Variants in SMARCC1 observed in about 807,000 individuals in gnomAD.
SMARCC1 encodes the protein SWI/SNF related BAF chromatin remodeling complex subunit C1, also known as SWI/SNF complex subunit SMARCC1.
Under a neutral mutation model 147.4 loss-of-function variants are expected in SMARCC1, and 43 were observed. The ratio of observed to expected loss-of-function variants is 0.29; its 90% confidence interval spans 0.23 to 0.38. SMARCC1 has a LOEUF of 0.38. Ranked by LOEUF, SMARCC1 falls within the 10% of genes least tolerant of loss-of-function variation. The pLI, the probability that SMARCC1 is intolerant of heterozygous loss-of-function variation, is 1.00. For synonymous variants in SMARCC1, 495 were observed against 484.4 expected, an observed-to-expected ratio of 1.02 and a Z score of -0.29; for missense variants, 1,119 against 1,381.1, an observed-to-expected ratio of 0.81 and a Z score of 3.01.
Position 47,635,294 on chromosome 3 carries a change from T to C in SMARCC1, c.2542A>G (p.Arg848Gly). Reference sequence around the variant, plus strand: ...TTCTTCTTCCCAGTATCACTTTCTCTTTCTTTACATGTATCAGTGAGTTCT... The same window carrying C: ...TTCTTCTTCCCAGTATCACTTTCTCCTTCTTTACATGTATCAGTGAGTTCT... ...NKELTDTCKE[R>G]ESDTGKKKVE... is the part of the protein sequence containing the mutation. The change falls in exon 24 of 28, where the codon AGA becomes GGA. Residue 848 changes from arginine (R) to glycine (G), a missense_variant. This residue lies in a region of SMARCC1 where 157 missense variants were observed against 158.6 expected (regional missense o/e 0.99). Transcript: ENST00000254480. The C allele has an allele frequency of 2.5e-6, 4 of 1,612,944 alleles. No homozygotes were observed. The highest frequency in any genetic ancestry group is 3.4e-6 in the Non-Finnish European group (4 of 1,179,342).
intron 2 of SMARCC1, among the ~76,000 whole-genome samples, chr3:47,748,924 C>T (rs2034596947): frequency 1.3e-5 from 2 of 152,076 alleles, no homozygotes; most frequent in Admixed American, 6.6e-5. Flanking sequence ...AATCCCAAAC[C>T]TTTGGGAGGC....
rs1223333943 is a variant in SMARCC1 at position 47,662,347 on chromosome 3, T to G, written c.2145A>C (p.Ala715=). ...GGAAGTCCATACCCAAAGCCGCTTT[T>G]GCTGCAGCAGATGCCACGCGAGGGT... The part of the protein sequence containing the change: ...VVDPRVASAA[A]KAALEEFSRV... The change falls in exon 20 of 28, where the codon GCA becomes GCC. Residue 715 remains alanine (A), a synonymous_variant. Coordinates refer to ENST00000254480, the MANE Select transcript of SMARCC1 (RefSeq NM_003074.4). 1 of 1,614,128 alleles carries G rather than the reference T, an allele frequency of 6.2e-7. No homozygotes were observed. The highest frequency in any genetic ancestry group is 8.5e-7 in the Non-Finnish European group (1 of 1,180,006).
chr3:47,611,443 G>A (rs1184785481), intron 25 of SMARCC1, among the ~76,000 whole-genome samples: 1 of 152,112 alleles, frequency 6.6e-6, no homozygotes, highest in Admixed American at 6.5e-5. Context: ...ATTACATATA[G>A]AAACAATGTA....
At chr3:47,626,224 G>T (rs2032807150) in intron 24 of SMARCC1, among the ~76,000 whole-genome samples, 1 of 151,670 alleles carries the variant, frequency 6.6e-6, no homozygotes, top group Non-Finnish European at 1.5e-5. Context: ...TCGGCTCACT[G>T]TAACCTCCGC....
chr3:47,758,591 C>T (rs566489021), intron 2 of SMARCC1, among the ~76,000 whole-genome samples: 29 of 152,256 alleles, frequency 1.9e-4, no homozygotes, highest in Non-Finnish European at 3.1e-4. Flanking sequence ...ACTGCATATA[C>T]ATACACTCAT....
rs201613115 is a variant in SMARCC1, at chr3:47,650,295, A to T, written c.2320+10999T>A. On this transcript the variant is annotated intron_variant, in intron 21 of 27. Coordinates refer to ENST00000254480, the MANE Select transcript of SMARCC1 (RefSeq NM_003074.4). ...TGTTTAAAATAATAATAATAATAATAATAATTATTATTATTATTATTATTC... is the reference window on the plus strand; with the variant it reads ...TGTTTAAAATAATAATAATAATAATTATAATTATTATTATTATTATTATTC... Among the ~76,000 whole-genome samples, 1,285 of 134,484 alleles carry T rather than the reference A, an allele frequency of 9.6e-3. 8 individuals carry two copies. Among genetic ancestry groups the T allele is most frequent in the African/African-American group, 0.02 (778 of 38,796 alleles). The allele number at this position is 134,484 out of a possible 152,430, so 88.2% of individuals were successfully genotyped here.
intron 13 of SMARCC1, among the ~76,000 whole-genome samples, chr3:47,686,397 C>A (rs2033723919): frequency 6.6e-6 from 1 of 152,110 alleles, no homozygotes; most frequent in African/African-American, 2.4e-5. Context: ...GGAATCAATG[C>A]AGAGAAGGTA....
chr3:47,637,619 G>A (rs1002644510), intron 22 of SMARCC1, among the ~76,000 whole-genome samples: 4 of 152,092 alleles, frequency 2.6e-5, no homozygotes, highest in African/African-American at 4.8e-5. Flanking sequence ...GGCTGAGGCA[G>A]GAGAATTGCT....
chr3:47,733,973 G>A (rs1472018537), intron 5 of SMARCC1, among the ~76,000 whole-genome samples: 1 of 150,368 alleles, frequency 6.7e-6, no homozygotes, highest in Non-Finnish European at 1.5e-5. Context: ...ATATGTACGT[G>A]TGTGTATATA....
At chr3:47,645,725 G>C (rs1425627214) in intron 21 of SMARCC1, among the ~76,000 whole-genome samples, 1 of 152,210 alleles carries the variant, frequency 6.6e-6, no homozygotes, top group Non-Finnish European at 1.5e-5. Flanking sequence ...GTCTCGCAAA[G>C]ATATCTGCTT....
intron 24 of SMARCC1, among the ~76,000 whole-genome samples, chr3:47,631,369 T>C (rs551761227): frequency 3.4e-4 from 52 of 152,172 alleles, no homozygotes; most frequent in Non-Finnish European, 6.0e-4. Flanking sequence ...TTTAAGAAAA[T>C]GTGATCTCTG....
chr3:47,745,026 G>A (rs2034550499), intron 3 of SMARCC1, among the ~76,000 whole-genome samples: 1 of 152,140 alleles, frequency 6.6e-6, no homozygotes, highest in Non-Finnish European at 1.5e-5. Flanking sequence ...CTAGCACCTT[G>A]GAAGGTCAAG....
Position 47,674,257 on chromosome 3 carries a change from G to A in SMARCC1, c.1839+1218C>T, listed in dbSNP as rs1460773554. On this transcript the variant is annotated intron_variant, in intron 18 of 27. Transcript: ENST00000254480. ...TTTTCTCTGCTCCTTATTCCTTCAT[G>A]GAGTCATGTGCTTTCATCTGGGATC... is the stretch of plus-strand genomic sequence containing the variant. Among the ~76,000 whole-genome samples, 5 of 152,122 alleles carry A rather than the reference G, an allele frequency of 3.3e-5. No homozygotes were observed. The East Asian group carries it at 9.6e-4, about 29-fold the overall frequency.
intron 4 of SMARCC1, 64 bp downstream of exon 4, chr3:47,737,965 C>T (rs375701526): frequency 8.1e-6 from 10 of 1,241,240 alleles, no homozygotes; most frequent in Non-Finnish European, 1.0e-5. Context: ...GCCTGGCCAG[C>T]CAATCTTAAA....
chr3:47,697,503 T>TGTTGGCCAGGCTA (rs1432342864), intron 11 of SMARCC1, among the ~76,000 whole-genome samples: 1 of 151,300 alleles, frequency 6.6e-6, no homozygotes, highest in Non-Finnish European at 1.5e-5. Flanking sequence ...GGTTTCAACT[T>TGTTGGCCAGGCTA]GTTGGCCAGG....
chr3:47,739,141 T>C (rs1449703724), intron 3 of SMARCC1, among the ~76,000 whole-genome samples: 1 of 152,234 alleles, frequency 6.6e-6, no homozygotes, highest in African/African-American at 2.4e-5. Context: ...TAGAGCTTAG[T>C]GACTGAAAGT....
intron 5 of SMARCC1, 65 bp downstream of exon 5, chr3:47,735,969 G>A (rs1280128552): frequency 1.5e-5 from 10 of 676,564 alleles, no homozygotes; most frequent in Non-Finnish European, 2.2e-5. Context: ...TCATTTATTA[G>A]AGGCTTACAA....
intron 24 of SMARCC1, among the ~76,000 whole-genome samples, chr3:47,623,134 CTTTTTTTTT>C (rs763911271): frequency 3.0e-5 from 2 of 67,466 alleles, no homozygotes; most frequent in Non-Finnish European, 2.8e-5. Flanking sequence ...CTACACAAGG[CTTTTTTTTT>C]TTTTTTTTTT....
chr3:47,636,270 T>C (rs770532271), intron 22 of SMARCC1, 134 bp from the exon 23 acceptor site: 5 of 604,880 alleles, frequency 8.3e-6, no homozygotes, highest in East Asian at 2.8e-5. Flanking sequence ...AAGTGACTTG[T>C]AGAGAACAGC....
Sources: gnomAD v4.1 joint callset for allele counts (sites outside exome capture counted in the v4.1 genomes callset) on GRCh38, gnomAD v4.1.1 for gene constraint, gnomAD v4.1.1 regional missense constraint, MANE v1.5 for transcripts, NCBI Gene and HGNC (gene_info 2026-07-23, HGNC 2026-07-21) for gene names.